Variants in ESYT2 observed in about 807,000 individuals in gnomAD.
The protein encoded by ESYT2 is extended synaptotagmin-2.
ESYT2 carries 54 observed loss-of-function variants against 107.2 expected under a neutral mutation model. That is an observed-to-expected ratio of 0.50 (90% CI 0.40 to 0.63). ESYT2 has a LOEUF of 0.63. Among genes scored for constraint, ESYT2 ranks in the 30% least tolerant of loss-of-function variants. The pLI is 0.00. For synonymous variants in ESYT2, 491 were observed against 434.1 expected (o/e 1.13, Z -1.63); for missense variants, 1,020 against 1,094.5 (o/e 0.93, Z 0.96).
intron 6 of ESYT2, among the ~76,000 whole-genome samples, chr7:158,786,557 T>C (rs1839123293): frequency 1.3e-5 from 2 of 152,202 alleles, no homozygotes; most frequent in East Asian, 1.9e-4. Flanking sequence ...GTACTTAAAA[T>C]CGATTCAAAA....
chr7:158,769,318 A>G (rs530697872), intron 7 of ESYT2, among the ~76,000 whole-genome samples: 111 of 152,320 alleles, frequency 7.3e-4, no homozygotes, highest in African/African-American at 2.6e-3. Flanking sequence ...GCCAGCAGAC[A>G]CTGGCTGTGT....
intron 1 of ESYT2, among the ~76,000 whole-genome samples, chr7:158,814,405 A>G (rs1175963980): frequency 2.0e-5 from 3 of 149,184 alleles, no homozygotes; most frequent in Non-Finnish European, 4.4e-5. Flanking sequence ...TTTTAAAAAT[A>G]TATGTTACTC....
At chr7:158,753,386 C>T (rs917265022) in intron 13 of ESYT2, among the ~76,000 whole-genome samples, 3 of 152,128 alleles carry the variant, frequency 2.0e-5, no homozygotes, top group Non-Finnish European at 2.9e-5. Context: ...TGGATCCCCA[C>T]AGAAGCTTCT....
intron 4 of ESYT2, among the ~76,000 whole-genome samples, chr7:158,788,954 A>G (rs576261775): frequency 2.2e-4 from 33 of 152,356 alleles, no homozygotes; most frequent in African/African-American, 7.7e-4. Context: ...CTCAATGATT[A>G]AGTCATTTCA....
At chr7:158,781,896 AGT>A (rs796259703) in intron 6 of ESYT2, among the ~76,000 whole-genome samples, 97 of 149,896 alleles carry the variant, frequency 6.5e-4, no homozygotes, top group African/African-American at 1.6e-3. Context: ...AACGAGAACA[AGT>A]GTGAGTGAAC....
intron 3 of ESYT2, 27 bp downstream of exon 3, chr7:158,797,915 C>A: frequency 6.2e-7 from 1 of 1,608,512 alleles, no homozygotes; most frequent in African/African-American, 1.3e-5. Flanking sequence ...ACTGTGTGCA[C>A]GTGAGGATAC....
chr7:158,746,285 TA>T (rs1274178420), intron 16 of ESYT2, among the ~76,000 whole-genome samples: 37 of 151,274 alleles, frequency 2.4e-4, no homozygotes, highest in African/African-American at 9.0e-4. Context: ...ATTAGCTGGG[TA>T]TGGTGGCATG....
chr7:158,817,047 T>C (rs1840166522), intron 1 of ESYT2, among the ~76,000 whole-genome samples: 1 of 152,226 alleles, frequency 6.6e-6, no homozygotes, highest in Non-Finnish European at 1.5e-5. Context: ...CAGCTTTATA[T>C]AACATTTTAC....
At chr7:158,734,504 C>A in intron 21 of ESYT2, 33 bp from the exon 22 acceptor site, 1 of 1,601,820 alleles carries the variant, frequency 6.2e-7, no homozygotes, top group South Asian at 1.1e-5. Flanking sequence ...TTAAAGTAGG[C>A]TGGGCTGGGG....
intron 6 of ESYT2, among the ~76,000 whole-genome samples, chr7:158,781,276 CGA>C (rs1310303537): frequency 2.9e-5 from 4 of 140,088 alleles, no homozygotes; most frequent in Non-Finnish European, 4.6e-5. Flanking sequence ...AGTGAGTGAA[CGA>C]GTGTGAGAAC....
chr7:158,810,398 G>A (rs1354983337), intron 1 of ESYT2, among the ~76,000 whole-genome samples: 2 of 152,168 alleles, frequency 1.3e-5, no homozygotes, highest in Non-Finnish European at 2.9e-5. Context: ...AAAGAAGTGG[G>A]CCGGGCATGG....
At chr7:158,773,921 A>C (rs565869299) in intron 6 of ESYT2, among the ~76,000 whole-genome samples, 35 of 152,338 alleles carry the variant, frequency 2.3e-4, no homozygotes, top group Admixed American at 2.2e-3. Context: ...AAGCCAGCCT[A>C]TCTGGCAGTT....
At chr7:158,755,645 G>A (rs923146969) in intron 13 of ESYT2, among the ~76,000 whole-genome samples, 4 of 152,190 alleles carry the variant, frequency 2.6e-5, no homozygotes, top group African/African-American at 7.2e-5. Flanking sequence ...CAGTAAAACA[G>A]GTACTGCTGA....
At position 158,734,428 on chromosome 7, in the gene ESYT2, G is replaced by A. The variant is rs1338157103; in HGVS notation, c.2549C>T (p.Thr850Ile). ...LASEELAKGW[T>I]QWYDLTEDGT... Reference sequence around the variant, plus strand: ...CTGCAGCAGGGACACTCACCACTGGGTCCAGCCTTTGGCAAGTTCTTCAGA... The same window carrying A: ...CTGCAGCAGGGACACTCACCACTGGATCCAGCCTTTGGCAAGTTCTTCAGA... The change falls in exon 22 of 23, where the codon ACC becomes ATC. Residue 850 changes from threonine (T) to isoleucine (I), a missense_variant. By Grantham distance (89) the Thr-to-Ile change is moderately conservative. Coordinates refer to ENST00000275418, the MANE Select transcript of ESYT2 (RefSeq NM_001367773.1). 1.2e-6 allele frequency: 2 copies of A among 1,613,934 alleles called. No homozygotes were observed. Among genetic ancestry groups the A allele is most frequent in the Admixed American group, 1.7e-5 (1 of 60,004 alleles).
chr7:158,766,143 T>C (rs979855393), intron 8 of ESYT2, among the ~76,000 whole-genome samples: 2 of 151,654 alleles, frequency 1.3e-5, no homozygotes, highest in Non-Finnish European at 1.5e-5. Context: ...CACTCCAGCC[T>C]GGGCGACAGA....
At chr7:158,735,907 G>A (rs908179445) in intron 20 of ESYT2, among the ~76,000 whole-genome samples, 3 of 152,248 alleles carry the variant, frequency 2.0e-5, no homozygotes, top group Admixed American at 2.0e-4. Context: ...GACTCTTCCA[G>A]GGGATTAAAA....
intron 10 of ESYT2, among the ~76,000 whole-genome samples, chr7:158,762,742 C>G (rs767976022): frequency 6.6e-6 from 1 of 152,222 alleles, no homozygotes; most frequent in Non-Finnish European, 1.5e-5. Flanking sequence ...GAACTGTCCA[C>G]TAGAACTCAA....
chr7:158,770,223 A>T (rs1226147706), intron 7 of ESYT2, among the ~76,000 whole-genome samples: 1 of 152,036 alleles, frequency 6.6e-6, no homozygotes, highest in Non-Finnish European at 1.5e-5. Context: ...TTTATAACCT[A>T]AGGGTTGCCA....
chr7:158,737,700 T>C (rs981667389), intron 19 of ESYT2, among the ~76,000 whole-genome samples: 3 of 152,200 alleles, frequency 2.0e-5, no homozygotes, highest in African/African-American at 7.2e-5. Context: ...ATTATCTAAG[T>C]GGCAAGAATA....
Sources: gnomAD v4.1 joint callset for allele counts (sites outside exome capture counted in the v4.1 genomes callset) on GRCh38, gnomAD v4.1.1 for gene constraint, MANE v1.5 for transcripts, NCBI Gene and HGNC (gene_info 2026-07-23, HGNC 2026-07-21) for gene names.